PRKCH: variants seen among roughly 807,000 people sequenced by gnomAD.
PRKCH encodes the protein protein kinase C eta, also known as protein kinase C eta type.
PRKCH carries 28 observed loss-of-function variants against 82.5 expected under a neutral mutation model. The ratio of observed to expected loss-of-function variants is 0.34; its 90% CI spans 0.25 to 0.47. PRKCH has a LOEUF of 0.47. Ranked by LOEUF, PRKCH falls within the 20% of genes least tolerant of loss-of-function variation. The pLI is 1.00. For synonymous variants in PRKCH, 322 were observed against 327.4 expected (o/e 0.98, Z 0.18); for missense variants, 705 against 881.8 (o/e 0.80, Z 2.54).
At chr14:61,210,780 C>G (rs71423442) in intron 1 of PRKCH, among the ~76,000 whole-genome samples, 1,856 of 100,006 alleles carry the variant, frequency 0.019, 41 homozygotes, top group East Asian at 0.13. Flanking sequence ...CTCTCTCTCT[C>G]TCTCTCTCTC....
intron 1 of PRKCH, among the ~76,000 whole-genome samples, chr14:61,208,754 A>G (rs1182610630): frequency 6.6e-6 from 1 of 152,232 alleles, no homozygotes. Flanking sequence ...TATTGACTTT[A>G]TAGCAGCCTT....
chr14:61,536,469 C>T (rs929796359), intron 12 of PRKCH, among the ~76,000 whole-genome samples: 1 of 152,138 alleles, frequency 6.6e-6, no homozygotes, highest in Non-Finnish European at 1.5e-5. Flanking sequence ...GATCTCCAAG[C>T]CAGACCTTCA....
At chr14:61,466,744 C>T (rs990815266) in intron 9 of PRKCH, among the ~76,000 whole-genome samples, 5 of 152,110 alleles carry the variant, frequency 3.3e-5, no homozygotes, top group African/African-American at 1.2e-4. Context: ...TAGGATCCAC[C>T]GCTTTCAGGT....
At chr14:61,193,233 C>T (rs1017564303) in intron 1 of PRKCH, among the ~76,000 whole-genome samples, 1 of 152,158 alleles carries the variant, frequency 6.6e-6, no homozygotes, top group African/African-American at 2.4e-5. Flanking sequence ...ATGGAAAAAA[C>T]ATGTTTGCCT....
chr14:61,319,903 G>T (rs2045594320), upstream of PRKCH, among the ~76,000 whole-genome samples: 1 of 152,234 alleles, frequency 6.6e-6, no homozygotes, highest in South Asian at 2.1e-4. Flanking sequence ...CTGGCCCATT[G>T]TCCTTACTTG....
intron 1 of PRKCH, among the ~76,000 whole-genome samples, chr14:61,208,734 C>T (rs1467622461): frequency 6.6e-6 from 1 of 152,132 alleles, no homozygotes; most frequent in South Asian, 2.1e-4. Flanking sequence ...AAACAATAAT[C>T]TTAAAGCACT....
At chr14:61,385,570 G>A (rs564795998) in intron 1 of PRKCH, among the ~76,000 whole-genome samples, 1 of 152,282 alleles carries the variant, frequency 6.6e-6, no homozygotes, top group African/African-American at 2.4e-5. Context: ...TCACTGTCAA[G>A]ATCAACGTTA....
intron 1 of PRKCH, among the ~76,000 whole-genome samples, chr14:61,256,019 G>C (rs2044994851): frequency 6.6e-6 from 1 of 152,172 alleles, no homozygotes; most frequent in Admixed American, 6.5e-5. Context: ...AGTGCATAAA[G>C]TTTAGTGGCG....
At chr14:61,279,523 T>C (rs2045236861) in intron 1 of PRKCH, 1 of 152,550 alleles carries the variant, frequency 6.6e-6, no homozygotes, top group Non-Finnish European at 1.5e-5. Context: ...AGCCTTACTG[T>C]GTCTGAATCT....
At position 61,373,759 on chromosome 14, in the gene PRKCH, C is replaced by A. The variant is rs2046393909; in HGVS notation, c.364-17466C>A. Among the ~76,000 whole-genome samples the A allele has an allele frequency of 1.3e-5, 2 of 152,064 alleles. 1 individual carries two copies. Among genetic ancestry groups the A allele is most frequent in the African/African-American group, 4.8e-5 (2 of 41,338 alleles). On this transcript the variant is annotated intron_variant, in intron 1 of 13. Coordinates refer to ENST00000332981, the MANE Select transcript of PRKCH (RefSeq NM_006255.5). ...GGGACTACAGGCATGCGCCACCATG[C>A]CCAGCTAATTTTTTTGTATTTTTAG...
chr14:61,376,898 C>A lies in PRKCH; in HGVS notation c.364-14327C>A, dbSNP rs547172777. Among the ~76,000 whole-genome samples, 242 of 152,364 alleles carry A rather than the reference C, an allele frequency of 1.6e-3. 1 individual carries two copies. Among genetic ancestry groups the A allele is most frequent in the African/African-American group, 5.4e-3 (223 of 41,582 alleles). Reference sequence around the variant, plus strand: ...ATTTAATTAAACCATGTATTCCTTGCAGCTTCTGTGCTGTTTTCCACATCT... The same window carrying A: ...ATTTAATTAAACCATGTATTCCTTGAAGCTTCTGTGCTGTTTTCCACATCT... On this transcript the variant is annotated intron_variant, in intron 1 of 13. Coordinates refer to ENST00000332981, the MANE Select transcript of PRKCH (RefSeq NM_006255.5).
At chr14:61,315,003 C>T (rs571886670) in intron 1 of PRKCH, among the ~76,000 whole-genome samples, 1 of 152,300 alleles carries the variant, frequency 6.6e-6, no homozygotes, top group East Asian at 1.9e-4. Context: ...ACTCGTTCTG[C>T]CCAATATGCT....
chr14:61,377,949 G>A (rs150782024), intron 1 of PRKCH, among the ~76,000 whole-genome samples: 324 of 152,244 alleles, frequency 2.1e-3, no homozygotes, highest in African/African-American at 7.5e-3. Context: ...TGCAATCTAA[G>A]GTTACAGTTC....
At chr14:61,235,867 C>A (rs1473853122) in intron 1 of PRKCH, among the ~76,000 whole-genome samples, 1 of 152,170 alleles carries the variant, frequency 6.6e-6, no homozygotes, top group Admixed American at 6.6e-5. Context: ...TGACATACAG[C>A]AAACAGGAGT....
chr14:61,307,790 A>G (rs1287101639), intron 1 of PRKCH, among the ~76,000 whole-genome samples: 3 of 152,222 alleles, frequency 2.0e-5, no homozygotes, highest in African/African-American at 7.2e-5. Flanking sequence ...TCAAATAACT[A>G]TAAATGGGAA....
intron 2 of PRKCH, among the ~76,000 whole-genome samples, chr14:61,434,832 G>A (rs1309984688): frequency 1.3e-5 from 2 of 152,096 alleles, no homozygotes; most frequent in Non-Finnish European, 2.9e-5. Context: ...ACCAGCCAGG[G>A]CAACACAGTG....
At chr14:61,378,619 C>G (rs1033295360) in intron 1 of PRKCH, among the ~76,000 whole-genome samples, 1 of 152,216 alleles carries the variant, frequency 6.6e-6, no homozygotes, top group African/African-American at 2.4e-5. Context: ...TAAGGACAGC[C>G]CAGTAGATGC....
chr14:61,442,201 C>T lies in PRKCH; in HGVS notation c.428-910C>T, dbSNP rs58569350. 0.018 allele frequency among the ~76,000 whole-genome samples: 2,725 copies of T among 152,164 alleles called. 174 individuals carry two copies. The East Asian group carries it at 0.24, about 14-fold the overall frequency. On this transcript the variant is annotated intron_variant, in intron 2 of 13. Coordinates refer to ENST00000332981, the MANE Select transcript of PRKCH (RefSeq NM_006255.5). Reference sequence around the variant, plus strand: ...AGTCTCTGCATACACTAGAAAAATTCTAGTATAATTATTTGGAAGACATAA... The same window carrying T: ...AGTCTCTGCATACACTAGAAAAATTTTAGTATAATTATTTGGAAGACATAA...
chr14:61,482,005 T>TA (rs1324262737), intron 9 of PRKCH, among the ~76,000 whole-genome samples: 2 of 146,038 alleles, frequency 1.4e-5, no homozygotes, highest in African/African-American at 5.1e-5. Flanking sequence ...TTTTTTTTTT[T>TA]TTTTTTTTGA....
Sources: gnomAD v4.1 joint callset for allele counts (sites outside exome capture counted in the v4.1 genomes callset) on GRCh38, gnomAD v4.1.1 for gene constraint, MANE v1.5 for transcripts, NCBI Gene and HGNC (gene_info 2026-07-23, HGNC 2026-07-21) for gene names.